Variants in TRPC4 observed in about 807,000 individuals in gnomAD.
TRPC4 encodes the protein short transient receptor potential channel 4.
TRPC4 carries 49 observed loss-of-function variants against 99.4 expected under a neutral mutation model. The ratio of observed to expected loss-of-function variants is 0.49; its 90% CI spans 0.39 to 0.63. The LOEUF (loss-of-function observed/expected upper bound fraction) is 0.63. TRPC4 is among the 20% of genes least tolerant of loss of function. The probability of loss-of-function intolerance (pLI) is 0.00; values close to 1 mark genes in which losing one functional copy is unlikely to be tolerated. For synonymous variants in TRPC4, 454 were observed against 425.9 expected (o/e 1.07, Z -0.81); for missense variants, 898 against 1,152.9 (o/e 0.78, Z 3.20).
intron 2 of TRPC4, among the ~76,000 whole-genome samples, chr13:37,778,653 A>G (rs1476239728): frequency 6.6e-6 from 1 of 151,958 alleles, no homozygotes; most frequent in East Asian, 1.9e-4. Flanking sequence ...GAACTTTAAA[A>G]CCAAAATTTC....
intron 2 of TRPC4, among the ~76,000 whole-genome samples, chr13:37,763,175 G>A (rs996496677): frequency 6.6e-6 from 1 of 151,578 alleles, no homozygotes; most frequent in Non-Finnish European, 1.5e-5. Context: ...AATGTTGTTT[G>A]TTGAAAATTT....
chr13:37,787,207 GAAC>G (rs1956994065), intron 1 of TRPC4, among the ~76,000 whole-genome samples: 2 of 151,904 alleles, frequency 1.3e-5, no homozygotes, highest in Admixed American at 6.6e-5. Context: ...GAATTTCCCT[GAAC>G]AACATTTTAT....
At chr13:37,707,444 C>T (rs934233557) in intron 3 of TRPC4, among the ~76,000 whole-genome samples, 1 of 152,136 alleles carries the variant, frequency 6.6e-6, no homozygotes, top group African/African-American at 2.4e-5. Flanking sequence ...GGGACTGTCT[C>T]TAAAAGGCTT....
intron 3 of TRPC4, among the ~76,000 whole-genome samples, chr13:37,723,686 C>T (rs1954946005): frequency 6.6e-6 from 1 of 152,044 alleles, no homozygotes. Context: ...GTAGCTGGAA[C>T]TACAGGCACA....
chr13:37,650,090 A>G (rs1328869917), intron 8 of TRPC4, among the ~76,000 whole-genome samples: 1 of 152,258 alleles, frequency 6.6e-6, no homozygotes, highest in African/African-American at 2.4e-5. Context: ...AATCAATGCC[A>G]CTGCCAGTAG....
chr13:37,659,602 G>C (rs916963992), intron 6 of TRPC4, among the ~76,000 whole-genome samples: 1 of 152,142 alleles, frequency 6.6e-6, no homozygotes. Flanking sequence ...AACCATTTTG[G>C]CACTTTAAAC....
chr13:37,737,001 G>A (rs1015343034), intron 3 of TRPC4, among the ~76,000 whole-genome samples: 2 of 150,242 alleles, frequency 1.3e-5, no homozygotes, highest in African/African-American at 4.9e-5. Flanking sequence ...CCAAAGTGCT[G>A]GGATTACAGA....
intron 4 of TRPC4, among the ~76,000 whole-genome samples, chr13:37,689,969 T>C (rs1243258789): frequency 1.3e-5 from 2 of 152,208 alleles, no homozygotes; most frequent in Non-Finnish European, 1.5e-5. Context: ...TTTTCATTGA[T>C]GGTATCAAGG....
At chr13:37,801,010 A>G (rs960260985) in intron 1 of TRPC4, among the ~76,000 whole-genome samples, 4 of 152,218 alleles carry the variant, frequency 2.6e-5, no homozygotes, top group South Asian at 2.1e-4. Flanking sequence ...AGACAATTGT[A>G]AGGCATTAAT....
intron 2 of TRPC4, among the ~76,000 whole-genome samples, chr13:37,755,512 T>C (rs1956075166): frequency 6.6e-6 from 1 of 151,816 alleles, no homozygotes; most frequent in African/African-American, 2.4e-5. Flanking sequence ...GCTCAAGTGA[T>C]CCCACCTCCC....
At chr13:37,665,957 G>A (rs1952634586) in intron 5 of TRPC4, among the ~76,000 whole-genome samples, 1 of 151,812 alleles carries the variant, frequency 6.6e-6, no homozygotes, top group Non-Finnish European at 1.5e-5. Context: ...TCATGGCCAG[G>A]AAAAAATGCT....
intron 2 of TRPC4, among the ~76,000 whole-genome samples, chr13:37,767,643 T>C (rs927260984): frequency 7.9e-5 from 12 of 151,406 alleles, no homozygotes; most frequent in Non-Finnish European, 1.8e-4. Flanking sequence ...GGTTTCATTC[T>C]GGAAGTGATC....
At chr13:37,683,204 G>A (rs1593504121) in intron 4 of TRPC4, among the ~76,000 whole-genome samples, 1 of 152,168 alleles carries the variant, frequency 6.6e-6, no homozygotes, top group South Asian at 2.1e-4. Flanking sequence ...GTTTCTACAA[G>A]GAGGAACTAC....
intron 1 of TRPC4, among the ~76,000 whole-genome samples, chr13:37,790,872 A>G (rs1957100918): frequency 6.6e-6 from 1 of 152,288 alleles, no homozygotes; most frequent in African/African-American, 2.4e-5. Flanking sequence ...GGTGAGTTCA[A>G]TATATAAAGA....
chr13:37,758,228 AAAT>A (rs983803957), intron 2 of TRPC4, among the ~76,000 whole-genome samples: 2 of 151,970 alleles, frequency 1.3e-5, no homozygotes, highest in African/African-American at 4.8e-5. Context: ...ACAAAAAAGA[AAAT>A]AAAATGTAAA....
chr13:37,863,652 T>C (rs1005582878), intron 1 of TRPC4, among the ~76,000 whole-genome samples: 1 of 151,606 alleles, frequency 6.6e-6, no homozygotes, highest in Non-Finnish European at 1.5e-5. Flanking sequence ...AAAAAGAAAC[T>C]CATGCTGTCA....
chr13:37,650,612 T>TATACACAC (rs112723578), intron 8 of TRPC4, among the ~76,000 whole-genome samples: 3 of 140,556 alleles, frequency 2.1e-5, no homozygotes, highest in African/African-American at 8.1e-5. Context: ...TCTCTCTCTA[T>TATACACAC]ACACACACAC....
At chr13:37,652,956 G>A (rs891479144) in intron 7 of TRPC4, among the ~76,000 whole-genome samples, 3 of 152,100 alleles carry the variant, frequency 2.0e-5, no homozygotes, top group Non-Finnish European at 2.9e-5. Flanking sequence ...GTGATGACTA[G>A]ATCCACCTTC....
chr13:37,822,887 A>G (rs1200195509), intron 1 of TRPC4, among the ~76,000 whole-genome samples: 13 of 150,612 alleles, frequency 8.6e-5, no homozygotes, highest in Non-Finnish European at 1.9e-4. Flanking sequence ...AGTCCCACCA[A>G]CAGTGTAAAA....
Sources: gnomAD v4.1 joint callset for allele counts (sites outside exome capture counted in the v4.1 genomes callset) on GRCh38, gnomAD v4.1.1 for gene constraint, MANE v1.5 for transcripts, NCBI Gene and HGNC (gene_info 2026-07-23, HGNC 2026-07-21) for gene names.